Variants in FNTB observed in about 807,000 individuals in gnomAD.
FNTB encodes farnesyltransferase, CAAX box, subunit beta.
In FNTB, 27 loss-of-function variants were observed where a neutral mutation model predicts 59.4. The observed-to-expected ratio is 0.45, with a 90% CI of 0.34 to 0.63. The LOEUF (loss-of-function observed/expected upper bound fraction) is 0.63. Among genes scored for constraint, FNTB ranks in the 20% least tolerant of loss-of-function variants. FNTB has a pLI of 0.02. For missense variants in FNTB, 449 were observed against 559.6 expected (o/e 0.80, Z 1.99); for synonymous variants, 230 against 220.7 (o/e 1.04, Z -0.37).
At chr14:65,019,507 C>CT (rs2061848010) in intron 4 of FNTB, among the ~76,000 whole-genome samples, 1 of 101,032 alleles carries the variant, frequency 9.9e-6, no homozygotes, top group African/African-American at 4.6e-5. Flanking sequence ...ACAAACAAAA[C>CT]ATTTTTTTTA....
At chr14:65,037,012 C>T (rs1346679555) in intron 7 of FNTB, among the ~76,000 whole-genome samples, 1 of 151,932 alleles carries the variant, frequency 6.6e-6, no homozygotes, top group Non-Finnish European at 1.5e-5. Context: ...TTGCTGGGCA[C>T]TCGATTTGGA....
chr14:64,991,042 T>C lies in FNTB; in HGVS notation c.144+3945T>C, dbSNP rs1166507964. Among the ~76,000 whole-genome samples the C allele has an allele frequency of 6.6e-6, 1 of 152,216 alleles. No individual in the cohort carries two copies. The highest frequency in any genetic ancestry group is 1.5e-5 in the Non-Finnish European group (1 of 68,022). ...TGGAATCATCCCATTGCAGACACTC[T>C]GATTCAGGCCAGTAGGTTAATACTG... On this transcript the variant is annotated intron_variant, in intron 1 of 11. Transcript: ENST00000246166. The surrounding 1 kb of genome is among the most constrained non-coding windows in gnomAD (Gnocchi z 4.4).
chr14:65,004,581 A>T (rs192068491), intron 2 of FNTB, among the ~76,000 whole-genome samples: 1 of 152,232 alleles, frequency 6.6e-6, no homozygotes, highest in South Asian at 2.1e-4. Context: ...GAAGATGGAG[A>T]GAGGAATTCC....
intron 3 of FNTB, among the ~76,000 whole-genome samples, chr14:65,013,235 T>G (rs2139515083): frequency 6.6e-6 from 1 of 152,254 alleles, no homozygotes; most frequent in East Asian, 1.9e-4. Context: ...AGACTGAGGC[T>G]AACTGGAGAC....
intron 11 of FNTB, among the ~76,000 whole-genome samples, chr14:65,056,961 G>A (rs923471149): frequency 4.6e-5 from 7 of 152,186 alleles, no homozygotes; most frequent in Non-Finnish European, 8.8e-5. Flanking sequence ...CAAAGGGGAA[G>A]CCAACCCATG....
At position 65,001,711 on chromosome 14, in the gene FNTB, A is replaced by G. The variant is rs900866374; in HGVS notation, c.145-2538A>G. ...TTTAATGATCTTACCAATTTCTTAT[A>G]TATTTTTCTATCCCATTCAGCTTAT... On this transcript the variant is annotated intron_variant, in intron 1 of 11. Transcript: ENST00000246166. This position sits in a 1 kb window ranked among gnomAD's most constrained non-coding sequence, Gnocchi z 5.5. Among the ~76,000 whole-genome samples the G allele has an allele frequency of 2.0e-5, 3 of 152,162 alleles. No individual in the cohort carries two copies. The highest frequency in any genetic ancestry group is 4.4e-5 in the Non-Finnish European group (3 of 68,028).
chr14:65,058,530 GCTC>G (rs2062793506), intron 11 of FNTB, among the ~76,000 whole-genome samples: 1 of 152,140 alleles, frequency 6.6e-6, no homozygotes, highest in African/African-American at 2.4e-5. Flanking sequence ...TTCGTCTCTT[GCTC>G]CTGATTATAA....
intron 7 of FNTB, among the ~76,000 whole-genome samples, chr14:65,038,573 C>T (rs967158566): frequency 1.3e-5 from 2 of 151,764 alleles, no homozygotes; most frequent in African/African-American, 2.4e-5. Context: ...CAAAAATTAG[C>T]CGGGCGTGGT....
intron 1 of FNTB, among the ~76,000 whole-genome samples, chr14:64,999,018 T>C (rs914065118): frequency 1.3e-5 from 2 of 152,248 alleles, no homozygotes; most frequent in African/African-American, 4.8e-5. Flanking sequence ...GGAGTACTGG[T>C]ACATGCTACA....
intron 4 of FNTB, among the ~76,000 whole-genome samples, chr14:65,020,451 A>G (rs1480716068): frequency 1.3e-5 from 2 of 150,862 alleles, no homozygotes; most frequent in Non-Finnish European, 3.0e-5. Context: ...TTTTTTTGAG[A>G]GTCTCGCTCT....
chr14:64,993,838 C>CTT (rs1198706709), intron 1 of FNTB, among the ~76,000 whole-genome samples: 7 of 147,404 alleles, frequency 4.7e-5, no homozygotes, highest in Admixed American at 2.0e-4. Flanking sequence ...GATTGGATTT[C>CTT]TTTTTTTTTT....
chr14:65,020,438 T>G (rs1427248119), intron 4 of FNTB, among the ~76,000 whole-genome samples: 7 of 148,682 alleles, frequency 4.7e-5, no homozygotes, highest in African/African-American at 7.4e-5. Context: ...AGCTTGCCTC[T>G]TTTTTTTTTG....
rs1374067958 is a variant in FNTB at position 65,029,801 on chromosome 14, G to T, written c.605+2020G>T. Among the ~76,000 whole-genome samples the T allele has an allele frequency of 2.0e-5, 3 of 152,178 alleles. No individual in the cohort carries two copies. Among genetic ancestry groups the T allele is most frequent in the Non-Finnish European group, 2.9e-5 (2 of 68,022 alleles). ...AATCTCCTATGGAGTCTGGAGTTTA[G>T]TGATGTGATCTGATTTGTATTTTCT... On this transcript the variant is annotated intron_variant, in intron 6 of 11. Transcript: ENST00000246166. The surrounding 1 kb of genome is among the most constrained non-coding windows in gnomAD (Gnocchi z 4.7).
chr14:65,012,193 G>A lies in FNTB; in HGVS notation c.210-124G>A. ...AACCAGAGAAGTTGCTGGTTATCCA[G>A]TCAGTGATTGCAGGGGGACGTCCTG... is the stretch of plus-strand genomic sequence containing the variant. On this transcript the variant is annotated intron_variant, in intron 2 of 11. Transcript: ENST00000246166. The surrounding 1 kb of genome is among the most constrained non-coding windows in gnomAD (Gnocchi z 5.0). 8.5e-7 allele frequency: 1 copy of A among 1,176,710 alleles called. No homozygotes were observed. Among genetic ancestry groups the A allele is most frequent in the Non-Finnish European group, 1.2e-6 (1 of 816,458 alleles). 72.9% of individuals were successfully genotyped at this position (1,176,710 alleles called of 1,614,324 possible). A position where few individuals can be genotyped will look rare whatever the true frequency, so the allele number is the denominator to read the frequency against.
At position 64,994,943 on chromosome 14, in the gene FNTB, C is replaced by T. The variant is rs1381948574; in HGVS notation, c.144+7846C>T. ...TTCATGAACTTAAAAAATTTTTTTA[C>T]AGCTTTTTGACCCTTTTGTAATAAC... On this transcript the variant is annotated intron_variant, in intron 1 of 11. Coordinates refer to ENST00000246166, the MANE Select transcript of FNTB (RefSeq NM_002028.4). The surrounding 1 kb of genome is among the most constrained non-coding windows in gnomAD (Gnocchi z 4.2). Among the ~76,000 whole-genome samples the T allele has an allele frequency of 2.0e-5, 3 of 152,138 alleles. No homozygotes were observed. The highest frequency in any genetic ancestry group is 1.9e-4 in the East Asian group (1 of 5,200).
chr14:65,023,994 C>A lies in FNTB; in HGVS notation c.375-3459C>A, dbSNP rs1348883599. On this transcript the variant is annotated intron_variant, in intron 4 of 11. Coordinates refer to ENST00000246166, the MANE Select transcript of FNTB (RefSeq NM_002028.4). This position sits in a 1 kb window ranked among gnomAD's most constrained non-coding sequence, Gnocchi z 4.1. ...GCATGCACCTGTAGTCCCAGCTACT[C>A]GGGAGGCTGAGGGAGGAGAATCACT... Among the ~76,000 whole-genome samples the A allele has an allele frequency of 6.6e-6, 1 of 151,736 alleles. No individual in the cohort carries two copies. The highest frequency in any genetic ancestry group is 1.5e-5 in the Non-Finnish European group (1 of 67,948).
Position 65,032,991 on chromosome 14 carries a change from G to C in FNTB, c.692+295G>C, listed in dbSNP as rs2062115160. Among the ~76,000 whole-genome samples, 1 of 152,146 alleles carries C rather than the reference G, an allele frequency of 6.6e-6. No individual in the cohort carries two copies. The highest frequency in any genetic ancestry group is 1.5e-5 in the Non-Finnish European group (1 of 68,026). The stretch of plus-strand genomic sequence containing the variant: ...AGAGCAATTTGACAGTATGTCAAAG[G>C]TGCCCTTGCGTAGGACCCAGTAATT... On this transcript the variant is annotated intron_variant, in intron 7 of 11. Transcript: ENST00000246166. The surrounding 1 kb of genome is among the most constrained non-coding windows in gnomAD (Gnocchi z 5.0).
chr14:65,052,035 T>TCAACCCC (rs1328072908), intron 9 of FNTB, among the ~76,000 whole-genome samples: 6 of 152,142 alleles, frequency 3.9e-5, no homozygotes. Context: ...GACCTCGTGA[T>TCAACCCC]CAACCCCCCT....
intron 11 of FNTB, among the ~76,000 whole-genome samples, chr14:65,058,846 T>C (rs963324617): frequency 6.6e-6 from 1 of 152,210 alleles, no homozygotes; most frequent in Non-Finnish European, 1.5e-5. Flanking sequence ...AGTATACTGC[T>C]GGATTCAGTT....
Sources: gnomAD v4.1 joint callset for allele counts (sites outside exome capture counted in the v4.1 genomes callset) on GRCh38, gnomAD v4.1.1 for gene constraint, Gnocchi (gnomAD v3.1) non-coding constraint, MANE v1.5 for transcripts, NCBI Gene and HGNC (gene_info 2026-07-23, HGNC 2026-07-21) for gene names.